Variants in HLF observed in about 807,000 individuals in gnomAD.
HLF encodes the protein HLF transcription factor, PAR bZIP family member.
HLF carries 3 observed loss-of-function variants against 22.6 expected under a neutral mutation model. The ratio of observed to expected loss-of-function variants is 0.13; its 90% CI spans 0.06 to 0.34. HLF has a LOEUF of 0.34. Among genes scored for constraint, HLF ranks in the 10% least tolerant of loss-of-function variants. The probability of loss-of-function intolerance (pLI) is 1.00; values close to 1 mark genes in which losing one functional copy is unlikely to be tolerated. For missense variants in HLF, 299 were observed against 389.2 expected, an observed-to-expected ratio of 0.77 and a Z score of 1.95; for synonymous variants, 151 against 151.8, an observed-to-expected ratio of 0.99 and a Z score of 0.04.
chr17:55,287,358 G>A (rs2081014340), intron 2 of HLF, among the ~76,000 whole-genome samples: 1 of 151,920 alleles, frequency 6.6e-6, no homozygotes, highest in Admixed American at 6.6e-5. Flanking sequence ...GTCATCTACA[G>A]CCAGTATCAA....
intron 2 of HLF, among the ~76,000 whole-genome samples, chr17:55,302,498 T>C (rs1282222145): frequency 6.6e-6 from 1 of 152,134 alleles, no homozygotes; most frequent in Non-Finnish European, 1.5e-5. Flanking sequence ...TTGTTTCGTT[T>C]GGTTTTAGGG....
Position 55,265,432 on chromosome 17 carries a change from G to GATGT in HLF, c.-53_-52insATGT. 1 of 616,038 alleles carries GATGT rather than the reference G, an allele frequency of 1.6e-6. No homozygotes were observed. Among genetic ancestry groups the GATGT allele is most frequent in the Admixed American group, 3.0e-5 (1 of 33,058 alleles). The allele number at this position is 616,038 out of a possible 1,614,324, so 38.2% of individuals were successfully genotyped here. A position where few individuals can be genotyped will look rare whatever the true frequency, so the allele number is the denominator to read the frequency against. ...AAGCTCAGCAACATTTTAGGGGGCGGTTGTTTCTTTCTTATTTCTTTTTTT... is the reference window on the plus strand; with the variant it reads ...AAGCTCAGCAACATTTTAGGGGGCGGATGTTTGTTTCTTTCTTATTTCTTTTTTT... On this transcript the variant is annotated 5_prime_UTR_variant, in exon 1 of 4. It adds an upstream start codon to the 5' untranslated region. Coordinates refer to ENST00000226067, the MANE Select transcript of HLF (RefSeq NM_002126.5).
chr17:55,268,211 T>C lies in HLF; in HGVS notation c.451+125T>C, dbSNP rs532066915. On this transcript the variant is annotated intron_variant, in intron 2 of 3. Coordinates refer to ENST00000226067, the MANE Select transcript of HLF (RefSeq NM_002126.5). ...CAAAGATCCTAAGAGAGGTACCTTC[T>C]TCTGCTCCACTCCTGGCAGAGGCTC... 4.5e-5 allele frequency: 29 copies of C among 645,906 alleles called. No individual in the cohort carries two copies. In the East Asian group the frequency reaches 8.0e-4, roughly 18 times the overall value. The allele number at this position is 645,906 out of a possible 1,614,324, so 40.0% of individuals were successfully genotyped here.
chr17:55,267,523 A>G (rs567208963), intron 1 of HLF: 3 of 483,512 alleles, frequency 6.2e-6, no homozygotes, highest in African/African-American at 2.0e-5. Flanking sequence ...CCCTGCCCCA[A>G]GGACTAGTGC....
chr17:55,322,951 C>T lies in HLF; in HGVS notation c.*2072C>T, dbSNP rs1282938360. 1 of 224,686 alleles carries T rather than the reference C, an allele frequency of 4.5e-6. No individual in the cohort carries two copies. Among genetic ancestry groups the T allele is most frequent in the Non-Finnish European group, 8.9e-6 (1 of 112,736 alleles). The allele number at this position is 224,686 out of a possible 1,614,324, so 13.9% of individuals were successfully genotyped here. ...AAATTCTGCTGTTACGACAAAGAAA[C>T]ATTTTACGCTAGATTAAAATATCCT... On this transcript the variant is annotated 3_prime_UTR_variant, in exon 4 of 4. Transcript: ENST00000226067.
At chr17:55,286,172 G>A (rs2081002352) in intron 2 of HLF, among the ~76,000 whole-genome samples, 1 of 152,160 alleles carries the variant, frequency 6.6e-6, no homozygotes, top group African/African-American at 2.4e-5. Flanking sequence ...TTGGTCCAAG[G>A]CCAGCCATGG....
intron 2 of HLF, among the ~76,000 whole-genome samples, chr17:55,284,739 G>T (rs884206): frequency 0.16 from 25,001 of 152,112 alleles, 4,206 homozygotes; most frequent in African/African-American, 0.43. Context: ...AAGTTACCTG[G>T]GTCCTGGTGC....
At chr17:55,279,835 T>TC (rs746683079) in intron 2 of HLF, among the ~76,000 whole-genome samples, 209 of 151,950 alleles carry the variant, frequency 1.4e-3, no homozygotes, top group African/African-American at 3.4e-3. Context: ...CCTTCTCCAT[T>TC]CCCCCCCACC....
In HLF at chr17:55,321,824, G is replaced by T. The variant is rs1905272118; in HGVS notation, c.*945G>T. On this transcript the variant is annotated 3_prime_UTR_variant, in exon 4 of 4. Transcript: ENST00000226067. ...GTACATGAGCCAAAAACTGCGTCTTGGATTAGCCTTTGACATTGATGTGTT... is the reference window on the plus strand; with the variant it reads ...GTACATGAGCCAAAAACTGCGTCTTTGATTAGCCTTTGACATTGATGTGTT... 4.3e-6 allele frequency: 1 copy of T among 232,370 alleles called. No homozygotes were observed. The highest frequency in any genetic ancestry group is 8.5e-6 in the Non-Finnish European group (1 of 117,064). 14.4% of individuals were successfully genotyped at this position (232,370 alleles called of 1,614,324 possible).
chr17:55,313,577 A>G (rs907631082), intron 2 of HLF, among the ~76,000 whole-genome samples: 7 of 152,108 alleles, frequency 4.6e-5, no homozygotes. Context: ...GTGATGGGGC[A>G]TTGGCATTGG....
chr17:55,315,491 G>A lies in HLF; in HGVS notation c.672+44G>A, dbSNP rs2287223. The A allele has an allele frequency of 0.41, 573,573 of 1,399,618 alleles. 125,023 individuals carry two copies. The highest frequency in any genetic ancestry group is 0.81 in the East Asian group (35,525 of 43,828). The allele number at this position is 1,399,618 out of a possible 1,614,324, so 86.7% of individuals were successfully genotyped here. On this transcript the variant is annotated intron_variant, in intron 3 of 3. Transcript: ENST00000226067. ...TCAGTCTTTGGGCAAATGGAGAGTG[G>A]GATCCACAGACAGATTAAAAGGGTG... is the stretch of plus-strand genomic sequence containing the variant.
Position 55,265,500 on chromosome 17 carries a change from C to T in HLF, c.16C>T (p.Arg6Ter). The change falls in exon 1 of 4, where the codon CGA becomes TGA. Residue 6 changes from arginine to a stop codon, truncating the protein, a stop_gained. Coordinates refer to ENST00000226067, the MANE Select transcript of HLF (RefSeq NM_002126.5). LOFTEE classifies it high-confidence loss of function. ...GTGCATCGCGATGGAGAAAATGTCCCGACCGCTCCCCCTGAATCCCACCTT... is the reference window on the plus strand; with the variant it reads ...GTGCATCGCGATGGAGAAAATGTCCTGACCGCTCCCCCTGAATCCCACCTT... MEKMS[R>*]PLPLNPTFIP... is the part of the protein sequence containing the mutation. 1 of 1,606,518 alleles carries T rather than the reference C, an allele frequency of 6.2e-7. No homozygotes were observed. Among genetic ancestry groups the T allele is most frequent in the Non-Finnish European group, 8.5e-7 (1 of 1,175,320 alleles).
intron 2 of HLF, among the ~76,000 whole-genome samples, chr17:55,299,461 T>C (rs1013225801): frequency 9.9e-5 from 15 of 152,132 alleles, no homozygotes. Context: ...TGAAAGATGA[T>C]GCAGGAACTT....
At position 55,320,061 on chromosome 17, in the gene HLF, C is replaced by T. The variant is rs753836917; in HGVS notation, c.673-603C>T. ...ATCCCTTTGTATGACTGTATCATAACGTGGTTGTTAAATCTCCTATGCATA... is the reference window on the plus strand; with the variant it reads ...ATCCCTTTGTATGACTGTATCATAATGTGGTTGTTAAATCTCCTATGCATA... On this transcript the variant is annotated intron_variant, in intron 3 of 3. Transcript: ENST00000226067. The surrounding 1 kb of genome is among the most constrained non-coding windows in gnomAD (Gnocchi z 4.2). 6.6e-6 allele frequency among the ~76,000 whole-genome samples: 1 copy of T among 152,100 alleles called. No individual in the cohort carries two copies. The highest frequency in any genetic ancestry group is 6.5e-5 in the Admixed American group (1 of 15,274).
At chr17:55,288,124 A>G (rs1244270711) in intron 2 of HLF, among the ~76,000 whole-genome samples, 1 of 151,942 alleles carries the variant, frequency 6.6e-6, no homozygotes, top group Non-Finnish European at 1.5e-5. Flanking sequence ...TTTTCTCGTG[A>G]CTGTTTCACT....
At chr17:55,312,146 T>C (rs1188828375) in intron 2 of HLF, among the ~76,000 whole-genome samples, 7 of 152,216 alleles carry the variant, frequency 4.6e-5, no homozygotes, top group Non-Finnish European at 1.5e-5. Flanking sequence ...AGGTGTCTTT[T>C]TGATTGAAGG....
chr17:55,288,871 T>G, intron 2 of HLF: 1 of 980,732 alleles, frequency 1.0e-6, no homozygotes, highest in Non-Finnish European at 1.2e-6. Flanking sequence ...TTTCCACCCT[T>G]TAATCACAGA....
chr17:55,294,536 A>G (rs547032420), intron 2 of HLF, among the ~76,000 whole-genome samples: 1 of 152,312 alleles, frequency 6.6e-6, no homozygotes, highest in African/African-American at 2.4e-5. Context: ...CACTTGGTAA[A>G]TATTAGTTTC....
chr17:55,280,801 A>G (rs887829959), intron 2 of HLF, among the ~76,000 whole-genome samples: 3 of 152,236 alleles, frequency 2.0e-5, no homozygotes, highest in African/African-American at 7.2e-5. Context: ...CCAGAGGGAA[A>G]CGTGGCAGAG....
Sources: gnomAD v4.1 joint callset for allele counts (sites outside exome capture counted in the v4.1 genomes callset) on GRCh38, gnomAD v4.1.1 for gene constraint, Gnocchi (gnomAD v3.1) non-coding constraint, MANE v1.5 for transcripts, NCBI Gene and HGNC (gene_info 2026-07-23, HGNC 2026-07-21) for gene names.